Variants in KIF24 observed in about 807,000 individuals in gnomAD.
KIF24 encodes the protein kinesin family member 24, also known as kinesin-like protein KIF24.
KIF24 carries 81 observed loss-of-function variants against 118.9 expected under a neutral mutation model. The observed-to-expected ratio is 0.68, with a 90% CI of 0.57 to 0.82. The LOEUF is 0.82. Among genes scored for constraint, KIF24 ranks in the 40% least tolerant of loss-of-function variants. The pLI is 0.00. For missense variants in KIF24, 1,560 were observed against 1,661.6 expected, an observed-to-expected ratio of 0.94 and a Z score of 1.06; for synonymous variants, 599 against 610.0, an observed-to-expected ratio of 0.98 and a Z score of 0.27.
At chr9:34,321,342 T>A (rs1263881572) in intron 1 of KIF24, among the ~76,000 whole-genome samples, 1 of 152,162 alleles carries the variant, frequency 6.6e-6, no homozygotes, top group Non-Finnish European at 1.5e-5. Flanking sequence ...CAGTCTCTGC[T>A]AAGAACCAGG....
chr9:34,266,668 A>G (rs977808868), intron 8 of KIF24, among the ~76,000 whole-genome samples: 1 of 147,148 alleles, frequency 6.8e-6, no homozygotes, highest in Non-Finnish European at 1.5e-5. Flanking sequence ...ACAGTGTGAG[A>G]CTCCATCTCA....
chr9:34,308,400 C>T (rs1356748460), intron 2 of KIF24, among the ~76,000 whole-genome samples: 1 of 151,874 alleles, frequency 6.6e-6, no homozygotes, highest in Non-Finnish European at 1.5e-5. Flanking sequence ...TTTCCTACCT[C>T]AGCCTCTAGA....
chr9:34,261,549 A>C (rs1436559558), intron 9 of KIF24, among the ~76,000 whole-genome samples: 1 of 152,226 alleles, frequency 6.6e-6, no homozygotes, highest in African/African-American at 2.4e-5. Context: ...AAAATGATAA[A>C]AACAGAAAGT....
chr9:34,272,644 A>G (rs1835548079), intron 6 of KIF24, among the ~76,000 whole-genome samples: 1 of 152,196 alleles, frequency 6.6e-6, no homozygotes, highest in African/African-American at 2.4e-5. Context: ...TTTTTTTGAA[A>G]TAGGGGCTTA....
At chr9:34,298,396 AT>A (rs538347844) in intron 3 of KIF24, among the ~76,000 whole-genome samples, 2 of 152,044 alleles carry the variant, frequency 1.3e-5, no homozygotes, top group Non-Finnish European at 2.9e-5. Context: ...ATTACAAAAA[AT>A]TAGCCAGGCG....
chr9:34,255,011 C>A, intron 12 of KIF24, 61 bp downstream of exon 12: 1 of 1,139,978 alleles, frequency 8.8e-7, no homozygotes, highest in Non-Finnish European at 1.3e-6. Flanking sequence ...CAAGGATGAC[C>A]ATCAAATTAG....
chr9:34,254,594 TC>T, intron 12 of KIF24, 74 bp from the exon 13 acceptor site: 1 of 1,486,874 alleles, frequency 6.7e-7, no homozygotes, highest in Admixed American at 1.9e-5. Context: ...TTTCAGTCCC[TC>T]CTCTGGCAGG....
chr9:34,293,344 G>A (rs1836326427), intron 4 of KIF24, among the ~76,000 whole-genome samples: 1 of 151,898 alleles, frequency 6.6e-6, no homozygotes, highest in Non-Finnish European at 1.5e-5. Context: ...GCCAGGTGTG[G>A]TGGCACACGC....
intron 8 of KIF24, 78 bp from the exon 9 acceptor site, chr9:34,263,250 A>G: frequency 9.7e-7 from 1 of 1,035,894 alleles, no homozygotes; most frequent in South Asian, 1.3e-5. Context: ...CTCCACAGGA[A>G]GCTTGTTTTT....
chr9:34,298,244 A>G (rs1400783328), intron 3 of KIF24, among the ~76,000 whole-genome samples: 1 of 152,102 alleles, frequency 6.6e-6, no homozygotes, highest in African/African-American at 2.4e-5. Context: ...TATCACAGTA[A>G]GTAGAAAAGT....
rs1213724220 is a variant in KIF24, at chr9:34,318,987, T to C, written c.-25-7616A>G. On this transcript the variant is annotated intron_variant, in intron 1 of 12. Coordinates refer to ENST00000402558, the MANE Select transcript of KIF24 (RefSeq NM_194313.4). This position sits in a 1 kb window ranked among gnomAD's most constrained non-coding sequence, Gnocchi z 4.9. ...AAGGTCACCAAGGACATGGAGTGCATGGATGGCGCCCTGCTTGTCAACACC... is the reference window on the plus strand; with the variant it reads ...AAGGTCACCAAGGACATGGAGTGCACGGATGGCGCCCTGCTTGTCAACACC... The C allele has an allele frequency of 2.4e-6, 3 of 1,263,268 alleles. No homozygotes were observed. Among genetic ancestry groups the C allele is most frequent in the Non-Finnish European group, 3.5e-6 (3 of 864,960 alleles). 78.3% of individuals were successfully genotyped at this position (1,263,268 alleles called of 1,614,324 possible). A position where few individuals can be genotyped will look rare whatever the true frequency, so the allele number is the denominator to read the frequency against.
chr9:34,295,023 A>C (rs1287847445), intron 4 of KIF24, among the ~76,000 whole-genome samples: 1 of 152,208 alleles, frequency 6.6e-6, no homozygotes, highest in Non-Finnish European at 1.5e-5. Context: ...TCAATTTTTA[A>C]AAAGTTGTTT....
chr9:34,271,674 G>A, intron 7 of KIF24, 135 bp downstream of exon 7: 1 of 856,574 alleles, frequency 1.2e-6, no homozygotes, highest in East Asian at 2.7e-5. Flanking sequence ...TTTATTTCAG[G>A]GCTAACAACT....
intron 6 of KIF24, among the ~76,000 whole-genome samples, chr9:34,284,746 G>T (rs1835972248): frequency 6.6e-6 from 1 of 152,150 alleles, no homozygotes; most frequent in Non-Finnish European, 1.5e-5. Context: ...TTATTGGAAA[G>T]TCACACAGGG....
upstream of KIF24, chr9:34,329,358 G>A (rs987758541): frequency 6.6e-6 from 1 of 152,270 alleles, no homozygotes; most frequent in African/African-American, 2.4e-5. Flanking sequence ...CTTCTCCTCT[G>A]GAAGACCAAT....
At chr9:34,262,661 A>ATATATATATATGT (rs1835105999) in intron 9 of KIF24, among the ~76,000 whole-genome samples, 5 of 44,878 alleles carry the variant, frequency 1.1e-4, no homozygotes, top group Non-Finnish European at 1.7e-4. Context: ...AAAAAAAAAA[A>ATATATATATATGT]AAAAAAAAAA....
Position 34,299,562 on chromosome 9 carries a change from T to TA in KIF24, c.814-2449dup, listed in dbSNP as rs757901908. ...ACCCAGTCTCAAAAAATAAAAAAAT[T>TA]AAAAAAAAAATAAAAGTAACATGTA... On this transcript the variant is annotated intron_variant, in intron 3 of 12. Coordinates refer to ENST00000402558, the MANE Select transcript of KIF24 (RefSeq NM_194313.4). Among the ~76,000 whole-genome samples, 51 of 149,082 alleles carry TA rather than the reference T, an allele frequency of 3.4e-4. 1 individual carries two copies. The highest frequency in any genetic ancestry group is 1.5e-3 in the Admixed American group (22 of 14,860).
At chr9:34,313,136 A>G (rs1318974766) in intron 1 of KIF24, among the ~76,000 whole-genome samples, 1 of 152,182 alleles carries the variant, frequency 6.6e-6, no homozygotes, top group Non-Finnish European at 1.5e-5. Flanking sequence ...CCAATACAAT[A>G]TGGTAGGAGT....
chr9:34,296,225 A>G (rs1281186173), intron 4 of KIF24, among the ~76,000 whole-genome samples: 1 of 143,636 alleles, frequency 7.0e-6, no homozygotes, highest in Non-Finnish European at 1.5e-5. Context: ...TCTCAAAAAA[A>G]AAAAAAAAAA....
Sources: allele counts gnomAD v4.1 joint callset (sites outside exome capture counted in the v4.1 genomes callset), GRCh38; gene constraint gnomAD v4.1.1; non-coding constraint Gnocchi (gnomAD v3.1); transcripts MANE v1.5; gene names NCBI Gene and HGNC (gene_info 2026-07-23, HGNC 2026-07-21).